CYTH1: variants seen among roughly 807,000 people sequenced by gnomAD.
CYTH1 encodes cytohesin 1.
CYTH1 carries 18 observed loss-of-function variants against 61.8 expected under a neutral mutation model. That is an observed-to-expected ratio of 0.29 (90% CI 0.20 to 0.43). The LOEUF (loss-of-function observed/expected upper bound fraction) is 0.43. CYTH1 is among the 20% of genes least tolerant of loss of function. CYTH1 has a pLI of 1.00. For missense variants in CYTH1, 336 were observed against 510.5 expected (o/e 0.66, Z 3.29); for synonymous variants, 174 against 184.3 (o/e 0.94, Z 0.45).
At position 78,717,826 on chromosome 17, in the gene CYTH1, C is replaced by G. The variant is rs1255634816; in HGVS notation, c.23-8094G>C. On this transcript the variant is annotated intron_variant, in intron 1 of 13. Transcript: ENST00000446868. The surrounding 1 kb of genome is among the most constrained non-coding windows in gnomAD (Gnocchi z 4.4). ...TACCGTCAAATGAACGTGTCCAAGG[C>G]ATGCTTTAGGACCAGGATGTCTCTT... 3.3e-5 allele frequency among the ~76,000 whole-genome samples: 5 copies of G among 152,172 alleles called. No individual in the cohort carries two copies. Among genetic ancestry groups the G allele is most frequent in the Non-Finnish European group, 7.3e-5 (5 of 68,032 alleles).
chr17:78,767,340 C>A (rs1170043320), intron 1 of CYTH1, among the ~76,000 whole-genome samples: 1 of 152,154 alleles, frequency 6.6e-6, no homozygotes, highest in Non-Finnish European at 1.5e-5. Context: ...GTACATCTCA[C>A]TCAGAACACA....
chr17:78,779,972 G>A (rs1054400940), intron 1 of CYTH1, among the ~76,000 whole-genome samples: 2 of 152,250 alleles, frequency 1.3e-5, no homozygotes, highest in African/African-American at 4.8e-5. Flanking sequence ...CATGCCTGGT[G>A]GCAAAGCAGT....
At chr17:78,727,322 C>CT (rs2093272005) in intron 1 of CYTH1, among the ~76,000 whole-genome samples, 1 of 152,050 alleles carries the variant, frequency 6.6e-6, no homozygotes. Context: ...GTTTTTTTTA[C>CT]TTTTTTCTTT....
intron 3 of CYTH1, among the ~76,000 whole-genome samples, chr17:78,707,187 T>C (rs1032244914): frequency 1.3e-5 from 2 of 152,168 alleles, no homozygotes; most frequent in African/African-American, 4.8e-5. Context: ...AGCCTCACTA[T>C]ACCCTGAAGG....
In CYTH1 at chr17:78,698,352, G is replaced by T. The variant is rs1426050540; in HGVS notation, c.728C>A (p.Pro243His). The T allele has an allele frequency of 6.2e-7, 1 of 1,612,428 alleles. No homozygotes were observed. The highest frequency in any genetic ancestry group is 1.7e-5 in the Admixed American group (1 of 59,722). The change falls in exon 9 of 14, where the codon CCC becomes CAC. Residue 243 changes from proline (P) to histidine (H), a missense_variant. Pro to His is a moderately conservative substitution (Grantham distance 77). Coordinates refer to ENST00000446868, the MANE Select transcript of CYTH1 (RefSeq NM_004762.6). ...RNLYESIKNE[P>H]FKIPEDDGND... ...CCCGTCGTCTTCTGGGATTTTAAAG[G>T]GTTCATTTTTTATGCTCTCATAGAG...
Position 78,680,872 on chromosome 17 carries a change from A to G in CYTH1, c.963+99T>C, listed in dbSNP as rs992633323. ...AAAAATTAGACTAAATAAAAGCCTG[A>G]TCACGCTTTTCAGTTTTTTGGTTTT... On this transcript the variant is annotated intron_variant, in intron 12 of 13. Coordinates refer to ENST00000446868, the MANE Select transcript of CYTH1 (RefSeq NM_004762.6). The G allele has an allele frequency of 2.3e-5, 27 of 1,170,162 alleles. 1 individual carries two copies. The South Asian group carries it at 3.5e-4, about 15-fold the overall frequency. The allele number at this position is 1,170,162 out of a possible 1,614,324, so 72.5% of individuals were successfully genotyped here.
intron 1 of CYTH1, among the ~76,000 whole-genome samples, chr17:78,759,540 G>C (rs2093414164): frequency 6.6e-6 from 1 of 152,208 alleles, no homozygotes; most frequent in African/African-American, 2.4e-5. Flanking sequence ...AAGTGGGTAG[G>C]TAGCTATATA....
At chr17:78,680,141 G>A (rs751372453) in intron 13 of CYTH1, 49 bp downstream of exon 13, 5 of 1,604,776 alleles carry the variant, frequency 3.1e-6, no homozygotes, top group South Asian at 2.2e-5. Flanking sequence ...CACCTGGTGA[G>A]GTGAGGGCTG....
At chr17:78,774,741 C>T (rs2093484420) in intron 1 of CYTH1, among the ~76,000 whole-genome samples, 4 of 152,170 alleles carry the variant, frequency 2.6e-5, no homozygotes, top group Admixed American at 2.0e-4. Context: ...CACAGGTCTC[C>T]ATGGTACAGC....
chr17:78,681,182 T>C, intron 11 of CYTH1, 140 bp from the exon 12 acceptor site: 1 of 769,066 alleles, frequency 1.3e-6, no homozygotes, highest in Non-Finnish European at 2.2e-6. Flanking sequence ...GGGAACTCCT[T>C]ACATTCTAAA....
intron 1 of CYTH1, among the ~76,000 whole-genome samples, chr17:78,770,494 C>T (rs1483437516): frequency 6.6e-6 from 1 of 152,020 alleles, no homozygotes; most frequent in African/African-American, 2.4e-5. Context: ...CCTCGGCTCA[C>T]TGCAATCTCC....
At chr17:78,676,704 G>T (rs1379980439) in intron 13 of CYTH1, 3 of 317,480 alleles carry the variant, frequency 9.4e-6, no homozygotes, top group African/African-American at 2.2e-5. Flanking sequence ...TGCTGGTGGG[G>T]CACCATGGAC....
At chr17:78,676,280 CCCA>C in intron 13 of CYTH1, 111 bp from the exon 14 acceptor site, 2 of 1,006,070 alleles carry the variant, frequency 2.0e-6, no homozygotes, top group Non-Finnish European at 2.9e-6. Flanking sequence ...CCTGTCCCAC[CCCA>C]CCATCACTGC....
intron 11 of CYTH1, among the ~76,000 whole-genome samples, chr17:78,682,679 G>T (rs2092775723): frequency 6.6e-6 from 1 of 152,202 alleles, no homozygotes; most frequent in African/African-American, 2.4e-5. Context: ...GTCTAGGCTG[G>T]ACGTGACCCT....
At chr17:78,692,304 C>T in intron 11 of CYTH1, 113 bp downstream of exon 11, 2 of 1,074,770 alleles carry the variant, frequency 1.9e-6, no homozygotes, top group South Asian at 1.3e-5. Context: ...CCCCATCCCC[C>T]ACAGATACTG....
At position 78,761,810 on chromosome 17, in the gene CYTH1, C is replaced by G. The variant is rs189362366; in HGVS notation, c.22+20392G>C. Among the ~76,000 whole-genome samples the G allele has an allele frequency of 3.0e-3, 458 of 152,288 alleles. 3 individuals carry two copies. Among genetic ancestry groups the G allele is most frequent in the African/African-American group, 9.8e-3 (406 of 41,552 alleles). ...AAATTCCTCTTATTAGAATGCTATA[C>G]ACACACATTTATACGTTTGAGAAAA... On this transcript the variant is annotated intron_variant, in intron 1 of 13. Coordinates refer to ENST00000446868, the MANE Select transcript of CYTH1 (RefSeq NM_004762.6).
At chr17:78,764,930 G>A (rs2093442368) in intron 1 of CYTH1, among the ~76,000 whole-genome samples, 1 of 152,022 alleles carries the variant, frequency 6.6e-6, no homozygotes. Flanking sequence ...CGGGGGATGA[G>A]CATTATTGGG....
chr17:78,679,798 G>A (rs1375411702), intron 13 of CYTH1, among the ~76,000 whole-genome samples: 1 of 152,182 alleles, frequency 6.6e-6, no homozygotes, highest in African/African-American at 2.4e-5. Context: ...CTGTAGCTAG[G>A]AAAATGGTGT....
rs202140176 is a variant in CYTH1 at position 78,702,831 on chromosome 17, A to AT, written c.171-228dup. Among the ~76,000 whole-genome samples, 122 of 151,104 alleles carry AT rather than the reference A, an allele frequency of 8.1e-4. 2 individuals carry two copies. In the East Asian group the frequency reaches 0.019, roughly 24 times the overall value. ...CTACCCTGGAACAGAGGTTTTCTTTATTTTTTTTTGAGACAGGGTCTCTCT... is the reference window on the plus strand; with the variant it reads ...CTACCCTGGAACAGAGGTTTTCTTTATTTTTTTTTTGAGACAGGGTCTCTCT... On this transcript the variant is annotated intron_variant, in intron 3 of 13. Coordinates refer to ENST00000446868, the MANE Select transcript of CYTH1 (RefSeq NM_004762.6).
Sources: gnomAD v4.1 joint callset for allele counts (sites outside exome capture counted in the v4.1 genomes callset) on GRCh38, gnomAD v4.1.1 for gene constraint, Gnocchi (gnomAD v3.1) non-coding constraint, MANE v1.5 for transcripts, NCBI Gene and HGNC (gene_info 2026-07-23, HGNC 2026-07-21) for gene names.